FOXP1: variants seen among roughly 807,000 people sequenced by gnomAD.
The protein encoded by FOXP1 is forkhead box P1, also known as forkhead box protein P1.
A neutral mutation model predicts 98.2 loss-of-function variants in FOXP1; 15 were observed. That is an observed-to-expected ratio of 0.15 (90% CI 0.10 to 0.24). The LOEUF is 0.24. Ranked by LOEUF, FOXP1 falls within the 10% of genes least tolerant of loss-of-function variation. FOXP1 has a pLI of 1.00. For synonymous variants in FOXP1, 371 were observed against 314.5 expected (o/e 1.18, Z -1.90); for missense variants, 633 against 848.5 (o/e 0.75, Z 3.15).
At chr3:71,370,894 C>T (rs1368362156) in intron 3 of FOXP1, among the ~76,000 whole-genome samples, 2 of 151,544 alleles carry the variant, frequency 1.3e-5, no homozygotes, top group Non-Finnish European at 2.9e-5. Flanking sequence ...CTCCACCTCC[C>T]GGGTTCAAGC....
intron 2 of FOXP1, among the ~76,000 whole-genome samples, chr3:71,513,992 A>G (rs2107353913): frequency 1.3e-5 from 2 of 152,318 alleles, no homozygotes; most frequent in East Asian, 3.9e-4. Flanking sequence ...CTTTGCTCCA[A>G]TGAGTCTGTG....
intron 6 of FOXP1, among the ~76,000 whole-genome samples, chr3:71,158,822 A>G (rs2060985609): frequency 6.6e-6 from 1 of 151,680 alleles, no homozygotes; most frequent in African/African-American, 2.4e-5. Flanking sequence ...ACAGTTGAAA[A>G]GGGCCAAGCA....
At position 71,190,638 on chromosome 3, in the gene FOXP1, C is replaced by CAAAAA. The variant is rs55747148; in HGVS notation, c.180+7559_180+7563dup. On this transcript the variant is annotated intron_variant, in intron 6 of 20. Coordinates refer to ENST00000649528, the MANE Select transcript of FOXP1 (RefSeq NM_001349338.3). ...GGGTGACCGAGCTAGACCCCATCTC[C>CAAAAA]AAAAAAAAAAAAAAAAAAAAAAAGA... 9.2e-5 allele frequency among the ~76,000 whole-genome samples: 4 copies of CAAAAA among 43,488 alleles called. 1 individual carries two copies. The highest frequency in any genetic ancestry group is 1.9e-4 in the African/African-American group (2 of 10,504). The allele number at this position is 43,488 out of a possible 152,430, so 28.5% of individuals were successfully genotyped here.
intron 2 of FOXP1, among the ~76,000 whole-genome samples, chr3:71,501,402 C>G (rs2041346383): frequency 6.7e-6 from 1 of 149,240 alleles, no homozygotes; most frequent in East Asian, 2.0e-4. Context: ...TCAAGCGATT[C>G]TCCTGCCTCA....
At chr3:71,435,779 G>A (rs111210761) in intron 3 of FOXP1, among the ~76,000 whole-genome samples, 19 of 32,706 alleles carry the variant, frequency 5.8e-4, no homozygotes, top group South Asian at 2.1e-3. Flanking sequence ...GAGGGAGGGA[G>A]GGAGGGACGG....
chr3:71,582,626 A>C, intron 1 of FOXP1: 1 of 985,376 alleles, frequency 1.0e-6, no homozygotes, highest in African/African-American at 1.7e-5. Flanking sequence ...GTAAAATCAG[A>C]AAATGTGTGT....
At chr3:71,181,403 G>A (rs4677031) in intron 6 of FOXP1, among the ~76,000 whole-genome samples, 32,246 of 152,122 alleles carry the variant, frequency 0.21, 4,077 homozygotes, top group African/African-American at 0.35. Flanking sequence ...TCATCACATC[G>A]ACCCTCTCAG....
Position 71,583,699 on chromosome 3 carries a change from C to G in FOXP1, c.-575G>C, listed in dbSNP as rs2048375749. On this transcript the variant is annotated 5_prime_UTR_variant, in exon 1 of 21. Transcript: ENST00000649528. ...GCACACACGCGCGCACACACGCACT[C>G]CCGGGCGAGGGCCGGGCCGCCGCGA... The G allele has an allele frequency of 1.0e-6, 1 of 984,908 alleles. No individual in the cohort carries two copies. 61.0% of individuals were successfully genotyped at this position (984,908 alleles called of 1,614,324 possible). A position where few individuals can be genotyped will look rare whatever the true frequency, so the allele number is the denominator to read the frequency against.
At chr3:71,483,373 T>C (rs1336964885) in intron 3 of FOXP1, among the ~76,000 whole-genome samples, 1 of 152,060 alleles carries the variant, frequency 6.6e-6, no homozygotes, top group Non-Finnish European at 1.5e-5. Context: ...GAAGAGCAAG[T>C]GAGCGAGCAG....
chr3:71,330,677 T>C (rs1447255971), intron 4 of FOXP1, among the ~76,000 whole-genome samples: 1 of 152,242 alleles, frequency 6.6e-6, no homozygotes, highest in Non-Finnish European at 1.5e-5. Context: ...ATAAATTATG[T>C]TACATTCATG....
intron 3 of FOXP1, among the ~76,000 whole-genome samples, chr3:71,406,405 G>GTATGTGTATATA (rs2082336447): frequency 1.9e-5 from 2 of 105,936 alleles, no homozygotes; most frequent in Non-Finnish European, 4.4e-5. Context: ...AACTGTATGT[G>GTATGTGTATATA]TATATATATA....
At chr3:71,401,498 A>C (rs1311951479) in intron 3 of FOXP1, among the ~76,000 whole-genome samples, 1 of 152,240 alleles carries the variant, frequency 6.6e-6, no homozygotes, top group South Asian at 2.1e-4. Flanking sequence ...GAGAGGCAGC[A>C]GCTGAAAGCC....
chr3:71,009,851 TG>T (rs549853038), intron 12 of FOXP1, among the ~76,000 whole-genome samples: 8 of 151,820 alleles, frequency 5.3e-5, no homozygotes, highest in Non-Finnish European at 1.2e-4. Context: ...TGGGCTCAAG[TG>T]AGCCTCCCAC....
intron 5 of FOXP1, among the ~76,000 whole-genome samples, chr3:71,252,251 C>A (rs1205354694): frequency 3.9e-5 from 6 of 152,262 alleles, no homozygotes; most frequent in African/African-American, 1.4e-4. Context: ...TTGAAGGAAT[C>A]AAAGAGCTTC....
At chr3:71,455,040 C>A (rs2087334443) in intron 3 of FOXP1, among the ~76,000 whole-genome samples, 1 of 152,064 alleles carries the variant, frequency 6.6e-6, no homozygotes, top group African/African-American at 2.4e-5. Flanking sequence ...TTTGTATATG[C>A]CCTAAAGTGA....
chr3:71,512,884 C>G (rs1004534416), intron 2 of FOXP1, among the ~76,000 whole-genome samples: 1 of 152,142 alleles, frequency 6.6e-6, no homozygotes, highest in Non-Finnish European at 1.5e-5. Context: ...AGAACCAGCA[C>G]GCCAGCCCTA....
chr3:71,382,410 A>G (rs1217540416), intron 3 of FOXP1, among the ~76,000 whole-genome samples: 2 of 152,230 alleles, frequency 1.3e-5, no homozygotes, highest in African/African-American at 4.8e-5. Context: ...ATTTTGCAGA[A>G]GTTGATTGCA....
intron 5 of FOXP1, among the ~76,000 whole-genome samples, chr3:71,290,564 A>G (rs965240040): frequency 4.6e-5 from 7 of 152,176 alleles, no homozygotes; most frequent in African/African-American, 1.7e-4. Context: ...TCCCAGAGCG[A>G]TCCATTTAAA....
At position 70,956,741 on chromosome 3, in the gene FOXP1, T is replaced by G. The variant is rs2031908732; in HGVS notation, c.*2506A>C. 2.0e-5 allele frequency: 3 copies of G among 151,244 alleles called. No individual in the cohort carries two copies. Among genetic ancestry groups the G allele is most frequent in the African/African-American group, 4.9e-5 (1 of 20,480 alleles). 9.4% of individuals were successfully genotyped at this position (151,244 alleles called of 1,614,324 possible). On this transcript the variant is annotated 3_prime_UTR_variant, in exon 21 of 21. Coordinates refer to ENST00000649528, the MANE Select transcript of FOXP1 (RefSeq NM_001349338.3). Reference sequence around the variant, plus strand: ...GAAGCTGCCTGGAAAAGTTTTTTTTTTTTTTTTTTTTTTTTTTTTTTTTTT... The same window carrying G: ...GAAGCTGCCTGGAAAAGTTTTTTTTGTTTTTTTTTTTTTTTTTTTTTTTTT...
Sources: allele counts gnomAD v4.1 joint callset (sites outside exome capture counted in the v4.1 genomes callset), GRCh38; gene constraint gnomAD v4.1.1; transcripts MANE v1.5; gene names NCBI Gene and HGNC (gene_info 2026-07-23, HGNC 2026-07-21).